The following HDAC9 variants were observed in gnomAD, a reference collection of about 807,000 sequenced individuals.
HDAC9 encodes the protein histone deacetylase 9, also known as MEF-2 interacting transcription repressor (MITR) protein.
HDAC9 carries 41 observed loss-of-function variants against 139.4 expected under a neutral mutation model. The observed-to-expected ratio is 0.29, with a 90% CI of 0.23 to 0.38. HDAC9 has a LOEUF of 0.38. Ranked by LOEUF, HDAC9 falls within the 10% of genes least tolerant of loss-of-function variation. HDAC9 has a pLI of 1.00. For missense variants in HDAC9, 1,147 were observed against 1,297.0 expected (o/e 0.88, Z 1.78); for synonymous variants, 517 against 476.2 (o/e 1.09, Z -1.12).
At chr7:18,931,504 C>A (rs1804740076) in intron 22 of HDAC9, among the ~76,000 whole-genome samples, 1 of 152,080 alleles carries the variant, frequency 6.6e-6, no homozygotes, top group African/African-American at 2.4e-5. Flanking sequence ...AATTTGACTT[C>A]CATCCAAATA....
intron 2 of HDAC9, among the ~76,000 whole-genome samples, chr7:18,209,083 T>TG (rs1336420940): frequency 3.3e-5 from 5 of 152,226 alleles, no homozygotes; most frequent in Non-Finnish European, 7.3e-5. Flanking sequence ...CAAATTCCTG[T>TG]GGGCCTTTTG....
chr7:18,969,280 TCAAA>T (rs901161965), intron 24 of HDAC9, among the ~76,000 whole-genome samples: 40 of 152,246 alleles, frequency 2.6e-4, no homozygotes, highest in African/African-American at 9.6e-4. Context: ...ACACAAGGCA[TCAAA>T]CAGAGACATC....
At chr7:18,629,261 T>G in intron 6 of HDAC9, 89 bp from the exon 7 acceptor site, 6 of 1,244,570 alleles carry the variant, frequency 4.8e-6, no homozygotes, top group Non-Finnish European at 6.5e-6. Flanking sequence ...AAGAAAAGGG[T>G]GAGACTTTTT....
At chr7:18,760,901 C>T (rs1266263930) in intron 14 of HDAC9, among the ~76,000 whole-genome samples, 2 of 152,202 alleles carry the variant, frequency 1.3e-5, no homozygotes, top group South Asian at 4.1e-4. Flanking sequence ...GCTGCATCAC[C>T]TTAAACTAGG....
intron 12 of HDAC9, among the ~76,000 whole-genome samples, chr7:18,670,031 TAGA>T (rs1795572960): frequency 1.1e-5 from 1 of 90,246 alleles, no homozygotes; most frequent in South Asian, 2.8e-4. Flanking sequence ...ACTTAACAGA[TAGA>T]TATATATAGA....
chr7:18,522,942 T>C (rs1207607125), intron 2 of HDAC9, among the ~76,000 whole-genome samples: 1 of 152,208 alleles, frequency 6.6e-6, no homozygotes, highest in Non-Finnish European at 1.5e-5. Flanking sequence ...AATGATGTAG[T>C]GTCTTGCTTC....
chr7:18,986,751 C>A (rs572457038), intron 25 of HDAC9, among the ~76,000 whole-genome samples: 1 of 152,094 alleles, frequency 6.6e-6, no homozygotes, highest in Non-Finnish European at 1.5e-5. Flanking sequence ...TTTCCTTGAG[C>A]AGTGGTTTGT....
At chr7:18,225,404 C>T (rs1309406797) in intron 2 of HDAC9, among the ~76,000 whole-genome samples, 1 of 152,154 alleles carries the variant, frequency 6.6e-6, no homozygotes, top group Non-Finnish European at 1.5e-5. Flanking sequence ...TCCTGTACAA[C>T]TGAGATTTTC....
chr7:18,437,234 T>G (rs1456772796), intron 1 of HDAC9, among the ~76,000 whole-genome samples: 1 of 151,980 alleles, frequency 6.6e-6, no homozygotes, highest in Non-Finnish European at 1.5e-5. Flanking sequence ...GTGTGTGTGT[T>G]TATATACATA....
intron 1 of HDAC9, among the ~76,000 whole-genome samples, chr7:18,111,521 C>T (rs1783619363): frequency 1.3e-5 from 2 of 152,016 alleles, no homozygotes; most frequent in South Asian, 4.2e-4. Flanking sequence ...AGTGGATGCC[C>T]AAGTCTCTTG....
chr7:18,570,618 G>T (rs1583509696), intron 2 of HDAC9, among the ~76,000 whole-genome samples: 1 of 152,288 alleles, frequency 6.6e-6, no homozygotes, highest in East Asian at 1.9e-4. Flanking sequence ...GACGGTGTGT[G>T]TTCTAATTCC....
chr7:18,931,303 A>G (rs920053579), intron 22 of HDAC9, among the ~76,000 whole-genome samples: 14 of 152,126 alleles, frequency 9.2e-5, no homozygotes, highest in African/African-American at 3.1e-4. Context: ...TCATCCCGGT[A>G]ATAAGGTAGT....
At chr7:18,166,752 A>G (rs565644244) in intron 2 of HDAC9, among the ~76,000 whole-genome samples, 163 of 152,294 alleles carry the variant, frequency 1.1e-3, no homozygotes, top group African/African-American at 3.6e-3. Flanking sequence ...ATGATTCACC[A>G]TTTTTACTCC....
At chr7:18,846,325 C>T (rs1401859518) in intron 21 of HDAC9, among the ~76,000 whole-genome samples, 3 of 152,096 alleles carry the variant, frequency 2.0e-5, no homozygotes, top group African/African-American at 7.2e-5. Context: ...TCCATGACTT[C>T]CCAAGCTAGT....
intron 23 of HDAC9, 109 bp from the exon 24 acceptor site, chr7:18,954,037 C>T (rs544768987): frequency 4.6e-5 from 33 of 721,864 alleles, no homozygotes; most frequent in African/African-American, 1.5e-4. Flanking sequence ...AACTAGTTCT[C>T]GGAGCAAGCT....
chr7:18,418,723 G>T (rs370024750), intron 1 of HDAC9, among the ~76,000 whole-genome samples: 2 of 151,826 alleles, frequency 1.3e-5, no homozygotes, highest in South Asian at 4.1e-4. Flanking sequence ...CTGATGAATC[G>T]TAAGAATTTT....
chr7:18,958,762 A>G (rs1422548837), intron 24 of HDAC9, among the ~76,000 whole-genome samples: 1 of 152,156 alleles, frequency 6.6e-6, no homozygotes, highest in East Asian at 1.9e-4. Context: ...AACCTCACAT[A>G]TTTATACTCC....
intron 1 of HDAC9, among the ~76,000 whole-genome samples, chr7:18,104,642 T>A (rs1244470987): frequency 1.3e-5 from 2 of 152,148 alleles, no homozygotes; most frequent in African/African-American, 2.4e-5. Context: ...TTGGAAATGA[T>A]CATCCCAGAG....
At chr7:18,953,247 T>C (rs1782925518) in intron 23 of HDAC9, among the ~76,000 whole-genome samples, 1 of 152,114 alleles carries the variant, frequency 6.6e-6, no homozygotes, top group Non-Finnish European at 1.5e-5. Flanking sequence ...AACTACTTTT[T>C]TGTTAATCCT....
Sources: gnomAD v4.1 joint callset for allele counts (sites outside exome capture counted in the v4.1 genomes callset) on GRCh38, gnomAD v4.1.1 for gene constraint, MANE v1.5 for transcripts, NCBI Gene and HGNC (gene_info 2026-07-23, HGNC 2026-07-21) for gene names.